ANKRD30A: variants seen among roughly 807,000 people sequenced by gnomAD.
ANKRD30A encodes ankyrin repeat domain-containing protein 30A.
A neutral mutation model predicts 166.3 loss-of-function variants in ANKRD30A; 170 were observed. The observed-to-expected ratio is 1.02, with a 90% confidence interval of 0.90 to 1.16. The LOEUF is 1.16. ANKRD30A is among the 50% of genes most tolerant of loss of function. ANKRD30A has a pLI of 0.00. For synonymous variants in ANKRD30A, 564 were observed against 508.9 expected, an observed-to-expected ratio of 1.11 and a Z score of -1.46; for missense variants, 1,630 against 1,518.0, an observed-to-expected ratio of 1.07 and a Z score of -1.23.
intron 6 of ANKRD30A, among the ~76,000 whole-genome samples, chr10:37,137,119 A>AAAT (rs1836753724): frequency 2.0e-5 from 3 of 152,026 alleles, no homozygotes; most frequent in African/African-American, 7.2e-5. Flanking sequence ...CAGGTTATCC[A>AAAT]ATTTAATGAA....
At chr10:37,258,598 T>C in the ANKRD30A span, among the ~76,000 whole-genome samples, 2 of 141,284 alleles carry the variant, frequency 1.4e-5, no homozygotes, top group East Asian at 4.2e-4. Flanking sequence ...TCTTACATCA[T>C]AAACAAAGGT....
chr10:37,126,524 A>G lies in ANKRD30A; in HGVS notation c.221+516A>G, dbSNP rs548978836. 1.1e-3 allele frequency among the ~76,000 whole-genome samples: 166 copies of G among 152,328 alleles called. 1 individual carries two copies. The highest frequency in any genetic ancestry group is 3.9e-3 in the African/African-American group (162 of 41,584). ...AATATGTTCTTTGCTGAGGGACCTT[A>G]GAAGGAAACTTCGAGGTGGGAAGAT... On this transcript the variant is annotated intron_variant, in intron 1 of 35. Transcript: ENST00000361713.
chr10:37,217,770 A>G lies in ANKRD30A; in HGVS notation c.3159A>G (p.Gly1053=). ...ATGAAAAAATTAGGGAAGAATTAGGAAGAATCGAAGAGCAGCATAGGAAAG... is the reference window on the plus strand; with the variant it reads ...ATGAAAAAATTAGGGAAGAATTAGGGAGAATCGAAGAGCAGCATAGGAAAG... ...ILNEKIREEL[G]RIEEQHRKEL... is the part of the protein sequence containing the mutation. Residue 1053 remains glycine (G), a synonymous_variant, in exon 33 of 36, where the codon GGA becomes GGG. Transcript: ENST00000361713. 2 of 1,597,764 alleles carry G rather than the reference A, an allele frequency of 1.3e-6. No individual in the cohort carries two copies. Among genetic ancestry groups the G allele is most frequent in the Non-Finnish European group, 1.7e-6 (2 of 1,171,814 alleles).
At chr10:37,249,981 G>T in the ANKRD30A span, among the ~76,000 whole-genome samples, 2 of 152,178 alleles carry the variant, frequency 1.3e-5, no homozygotes, top group African/African-American at 4.8e-5. Context: ...CCAGGAATGG[G>T]ATGTGTTTGG....
At chr10:37,243,139 T>G in the ANKRD30A span, among the ~76,000 whole-genome samples, 1 of 150,434 alleles carries the variant, frequency 6.6e-6, no homozygotes, top group South Asian at 2.1e-4. Flanking sequence ...TCCAAATTTT[T>G]TTTTTTTTTT....
intron 27 of ANKRD30A, among the ~76,000 whole-genome samples, chr10:37,195,330 G>C (rs1840988917): frequency 6.6e-6 from 1 of 152,084 alleles, no homozygotes. Context: ...GATTCATTCT[G>C]TGTCTCATGG....
At chr10:37,209,372 T>G (rs983859456) in intron 31 of ANKRD30A, among the ~76,000 whole-genome samples, 3 of 152,158 alleles carry the variant, frequency 2.0e-5, no homozygotes, top group Admixed American at 1.3e-4. Flanking sequence ...AGCTTACAAT[T>G]ATGGTGGAAC....
At chr10:37,142,873 G>C (rs979154326) in intron 7 of ANKRD30A, among the ~76,000 whole-genome samples, 1 of 152,004 alleles carries the variant, frequency 6.6e-6, no homozygotes, top group African/African-American at 2.4e-5. Context: ...GTGAACCACT[G>C]TGCCCAGCCA....
rs557788383 is a variant in ANKRD30A at position 37,148,476 on chromosome 10, T to A, written c.1543+1019T>A. 3.1e-4 allele frequency among the ~76,000 whole-genome samples: 47 copies of A among 152,156 alleles called. 1 individual carries two copies. The highest frequency in any genetic ancestry group is 8.7e-4 in the African/African-American group (36 of 41,538). On this transcript the variant is annotated intron_variant, in intron 9 of 35. Coordinates refer to ENST00000361713, the MANE Select transcript of ANKRD30A (RefSeq NM_052997.3). ...GAAGTTAGAGTTTTTTTAAATTTTT[T>A]TAAAAATTTTTTTAGCAGAGGCATT... is the stretch of plus-strand genomic sequence containing the variant.
intron 7 of ANKRD30A, among the ~76,000 whole-genome samples, chr10:37,142,540 TTGG>T (rs1203871754): frequency 6.6e-6 from 1 of 151,722 alleles, no homozygotes; most frequent in African/African-American, 2.4e-5. Flanking sequence ...CCAAAGTTGT[TTGG>T]TGGTACAGGG....
intron 1 of ANKRD30A, 24 bp from the exon 2 acceptor site, chr10:37,129,869 C>A: frequency 7.0e-7 from 1 of 1,430,384 alleles, no homozygotes; most frequent in Non-Finnish European, 9.2e-7. Flanking sequence ...TAAACTTTGC[C>A]AAAAAGTCCT....
intron 6 of ANKRD30A, among the ~76,000 whole-genome samples, chr10:37,137,871 T>C (rs1012318850): frequency 1.3e-5 from 2 of 151,782 alleles, no homozygotes; most frequent in African/African-American, 4.8e-5. Flanking sequence ...TTGAAGAGAG[T>C]AGTGGTTCTC....
At chr10:37,235,599 A>T (rs1843634974), downstream of ANKRD30A, among the ~76,000 whole-genome samples, 1 of 152,094 alleles carries the variant, frequency 6.6e-6, no homozygotes, top group Admixed American at 6.5e-5. Context: ...GTATTTATCA[A>T]ATTGGTCTCA....
rs1335301315 is a variant in ANKRD30A at position 37,197,389 on chromosome 10, T to G, written c.2644-19T>G. The G allele has an allele frequency of 1.2e-6, 2 of 1,612,660 alleles. No individual in the cohort carries two copies. The highest frequency in any genetic ancestry group is 2.2e-5 in the East Asian group (1 of 44,852). On this transcript the variant is annotated intron_variant, in intron 28 of 35. Coordinates refer to ENST00000361713, the MANE Select transcript of ANKRD30A (RefSeq NM_052997.3). ...AGTATACATTCTTTATTAATCATTT[T>G]GCTTCCAACCCCATTTAGCCTGCCA...
intron 31 of ANKRD30A, among the ~76,000 whole-genome samples, chr10:37,209,061 A>G (rs565777067): frequency 1.3e-5 from 2 of 152,268 alleles, no homozygotes; most frequent in South Asian, 4.1e-4. Context: ...TGACTATAGC[A>G]CAGTTTATAC....
intron 25 of ANKRD30A, among the ~76,000 whole-genome samples, chr10:37,190,831 T>C (rs1009624007): frequency 6.6e-6 from 1 of 151,636 alleles, no homozygotes; most frequent in African/African-American, 2.4e-5. Context: ...GATATATATA[T>C]ATAGATGTAT....
At chr10:37,234,469 G>A (rs1191114995), downstream of ANKRD30A, among the ~76,000 whole-genome samples, 2 of 151,836 alleles carry the variant, frequency 1.3e-5, no homozygotes, top group Non-Finnish European at 2.9e-5. Context: ...TTTTTTTTAG[G>A]TTTGAAAGTT....
intron 8 of ANKRD30A, among the ~76,000 whole-genome samples, chr10:37,145,974 T>C (rs1262397971): frequency 6.6e-6 from 1 of 152,402 alleles, no homozygotes; most frequent in Middle Eastern, 3.4e-3. Context: ...TAGAACTCTT[T>C]GAGTCCGTTT....
rs75595567 is a variant in ANKRD30A at position 37,221,328 on chromosome 10, A to G, written c.4185+1431A>G. ...AATAACAAACATGTCTTGTCAGGTCATTGTGAGACAACTTCAAAAAAACTT... is the reference window on the plus strand; with the variant it reads ...AATAACAAACATGTCTTGTCAGGTCGTTGTGAGACAACTTCAAAAAAACTT... On this transcript the variant is annotated intron_variant, in intron 34 of 35. Transcript: ENST00000361713. Among the ~76,000 whole-genome samples, 1,422 of 151,396 alleles carry G rather than the reference A, an allele frequency of 9.4e-3. 34 individuals carry two copies. In the East Asian group the frequency reaches 0.095, roughly 10 times the overall value.
Sources: gnomAD v4.1 joint callset for allele counts (sites outside exome capture counted in the v4.1 genomes callset) on GRCh38, gnomAD v4.1.1 for gene constraint, MANE v1.5 for transcripts, NCBI Gene and HGNC (gene_info 2026-07-23, HGNC 2026-07-21) for gene names.